The following CNTN3 variants were observed in gnomAD, a reference collection of about 807,000 sequenced individuals.
CNTN3 encodes the protein contactin 3.
Under a neutral mutation model 119.1 loss-of-function variants are expected in CNTN3, and 60 were observed. That is an observed-to-expected ratio of 0.50 (90% CI 0.41 to 0.62). The LOEUF (loss-of-function observed/expected upper bound fraction) is 0.62. Among genes scored for constraint, CNTN3 ranks in the 20% least tolerant of loss-of-function variants. The pLI, the probability that CNTN3 is intolerant of heterozygous loss-of-function variation, is 0.00. For missense variants in CNTN3, 1,101 were observed against 1,242.4 expected, an observed-to-expected ratio of 0.89 and a Z score of 1.71; for synonymous variants, 450 against 438.7, an observed-to-expected ratio of 1.03 and a Z score of -0.32.
chr3:74,314,591 G>A (rs1310839322), intron 13 of CNTN3, among the ~76,000 whole-genome samples: 1 of 152,214 alleles, frequency 6.6e-6, no homozygotes, highest in Non-Finnish European at 1.5e-5. Flanking sequence ...GACACTCCAA[G>A]AGGATGTAAC....
chr3:74,530,622 C>T (rs536157826), intron 1 of CNTN3, among the ~76,000 whole-genome samples: 43 of 151,876 alleles, frequency 2.8e-4, no homozygotes, highest in Non-Finnish European at 5.4e-4. Context: ...AAGGGATTCT[C>T]AGAGATGTTA....
chr3:74,361,751 ATAC>A, intron 11 of CNTN3, 136 bp downstream of exon 11: 2 of 842,470 alleles, frequency 2.4e-6, no homozygotes, highest in Non-Finnish European at 1.7e-6. Flanking sequence ...AAGAACAAAA[ATAC>A]TACTATTTTA....
intron 2 of CNTN3, 44 bp from the exon 3 acceptor site, chr3:74,499,829 G>T (rs1266045648): frequency 2.6e-6 from 4 of 1,543,166 alleles, no homozygotes; most frequent in South Asian, 2.5e-5. Context: ...TCAGTAAAAG[G>T]CATTGTAAAA....
In CNTN3 at chr3:74,423,082, G is replaced by GGCAA. The variant is rs1271535347; in HGVS notation, c.454+1759_454+1762dup. ...CACAAGGAAGATACATGAGAATGGAGGCAATATGGAGAGAAGTGCAGTCAA... is the reference window on the plus strand; with the variant it reads ...CACAAGGAAGATACATGAGAATGGAGGCAAGCAATATGGAGAGAAGTGCAGTCAA... On this transcript the variant is annotated intron_variant, in intron 5 of 22. Transcript: ENST00000263665. 2.0e-5 allele frequency among the ~76,000 whole-genome samples: 3 copies of GGCAA among 152,302 alleles called. No individual in the cohort carries two copies. The East Asian group carries it at 5.8e-4, about 29-fold the overall frequency.
At chr3:74,312,138 T>C (rs1211851579) in intron 13 of CNTN3, among the ~76,000 whole-genome samples, 6 of 152,014 alleles carry the variant, frequency 3.9e-5, no homozygotes, top group Admixed American at 3.3e-4. Context: ...TGAGATACAT[T>C]AGAACATTCT....
intron 1 of CNTN3, among the ~76,000 whole-genome samples, chr3:74,521,667 T>A (rs1004551528): frequency 2.4e-4 from 37 of 151,830 alleles, no homozygotes; most frequent in African/African-American, 8.5e-4. Context: ...CCTATTTTTT[T>A]AGAAAACTGC....
chr3:74,427,438 C>T lies in CNTN3; in HGVS notation c.359-2498G>A, dbSNP rs114367486. Among the ~76,000 whole-genome samples, 1,040 of 152,140 alleles carry T rather than the reference C, an allele frequency of 6.8e-3. 8 individuals are homozygous for T. The highest frequency in any genetic ancestry group is 0.02 in the Middle Eastern group (6 of 294). On this transcript the variant is annotated intron_variant, in intron 4 of 22. Transcript: ENST00000263665. Reference sequence around the variant, plus strand: ...CATACATGTTACAGTCAAGGTATAGCGAGACTTTTCTCCTTTTTTGCAACA... The same window carrying T: ...CATACATGTTACAGTCAAGGTATAGTGAGACTTTTCTCCTTTTTTGCAACA...
intron 13 of CNTN3, among the ~76,000 whole-genome samples, chr3:74,326,167 A>G (rs759906444): frequency 2.0e-5 from 3 of 152,008 alleles, no homozygotes; most frequent in Admixed American, 6.6e-5. Context: ...ATCTCTGGCC[A>G]AATTTAGAGA....
At chr3:74,357,206 G>A (rs1703957318) in intron 11 of CNTN3, among the ~76,000 whole-genome samples, 1 of 152,104 alleles carries the variant, frequency 6.6e-6, no homozygotes, top group Non-Finnish European at 1.5e-5. Flanking sequence ...GATTACAGGT[G>A]TGAGCCACCG....
intron 11 of CNTN3, among the ~76,000 whole-genome samples, chr3:74,343,592 T>G (rs137992104): frequency 2.0e-5 from 3 of 152,364 alleles, no homozygotes; most frequent in African/African-American, 7.2e-5. Flanking sequence ...CAGAATTGAT[T>G]CCTCATTCTT....
At chr3:74,601,293 A>T (rs1005292239) in intron 1 of CNTN3, among the ~76,000 whole-genome samples, 7 of 152,072 alleles carry the variant, frequency 4.6e-5, no homozygotes, top group Non-Finnish European at 7.4e-5. Flanking sequence ...CCAAGGTAAG[A>T]AACTATCAAG....
intron 20 of CNTN3, among the ~76,000 whole-genome samples, chr3:74,273,692 C>T (rs558979759): frequency 6.6e-6 from 1 of 152,298 alleles, no homozygotes; most frequent in Non-Finnish European, 1.5e-5. Flanking sequence ...GCAGGCCACT[C>T]CTGCCTGGCA....
chr3:74,318,044 T>A (rs1190150231), intron 13 of CNTN3, among the ~76,000 whole-genome samples: 2 of 152,202 alleles, frequency 1.3e-5, no homozygotes, highest in Non-Finnish European at 2.9e-5. Context: ...TTTCTTTCTA[T>A]TCTTTTTTCT....
At chr3:74,463,219 G>C (rs979823610) in intron 4 of CNTN3, among the ~76,000 whole-genome samples, 2 of 152,108 alleles carry the variant, frequency 1.3e-5, no homozygotes, top group African/African-American at 4.8e-5. Flanking sequence ...TGTATGTTGT[G>C]TATGTCTCTT....
chr3:74,425,007 AC>A, intron 4 of CNTN3, 67 bp from the exon 5 acceptor site: 1 of 1,041,658 alleles, frequency 9.6e-7, no homozygotes. Flanking sequence ...TTACACCAAG[AC>A]CTTCCTTTCT....
At chr3:74,547,053 G>A (rs1252547166) in intron 1 of CNTN3, among the ~76,000 whole-genome samples, 1 of 151,984 alleles carries the variant, frequency 6.6e-6, no homozygotes, top group Non-Finnish European at 1.5e-5. Context: ...CACTTATCCA[G>A]GTTAACAAAC....
At chr3:74,296,318 G>C (rs1034820409) in intron 18 of CNTN3, among the ~76,000 whole-genome samples, 3 of 152,132 alleles carry the variant, frequency 2.0e-5, no homozygotes, top group Non-Finnish European at 4.4e-5. Flanking sequence ...TTTTCCAGTT[G>C]CCAGCACCTA....
At chr3:74,504,916 T>A (rs954220421) in intron 2 of CNTN3, among the ~76,000 whole-genome samples, 2 of 152,110 alleles carry the variant, frequency 1.3e-5, no homozygotes, top group African/African-American at 4.8e-5. Flanking sequence ...AAACAGAATT[T>A]TTTGTCTCAC....
chr3:74,304,064 A>G (rs1702512349), intron 13 of CNTN3, among the ~76,000 whole-genome samples: 1 of 152,168 alleles, frequency 6.6e-6, no homozygotes, highest in Non-Finnish European at 1.5e-5. Context: ...TCCTATTTTT[A>G]GGTAATTTCC....
Sources: allele counts gnomAD v4.1 joint callset (sites outside exome capture counted in the v4.1 genomes callset), GRCh38; gene constraint gnomAD v4.1.1; transcripts MANE v1.5; gene names NCBI Gene and HGNC (gene_info 2026-07-23, HGNC 2026-07-21).